Variants in AKT3 observed in about 807,000 individuals in gnomAD.
AKT3 encodes the protein RAC-gamma serine/threonine-protein kinase.
In AKT3, 15 loss-of-function variants were observed where a neutral mutation model predicts 65.3. The ratio of observed to expected loss-of-function variants is 0.23; its 90% CI spans 0.15 to 0.35. The LOEUF (loss-of-function observed/expected upper bound fraction) is 0.35. Among genes scored for constraint, AKT3 ranks in the 10% least tolerant of loss-of-function variants. The pLI is 1.00. For missense variants in AKT3, 243 were observed against 576.5 expected (o/e 0.42, Z 5.92); for synonymous variants, 206 against 183.8 (o/e 1.12, Z -0.98).
chr1:243,495,893 G>C (rs1249030789), downstream of AKT3, among the ~76,000 whole-genome samples: 3 of 152,288 alleles, frequency 2.0e-5, no homozygotes, highest in East Asian at 5.8e-4. Context: ...AAGCAGGAGA[G>C]CCTCGCATGG....
At chr1:243,600,704 C>G (rs748328469) in intron 8 of AKT3, among the ~76,000 whole-genome samples, 4 of 152,098 alleles carry the variant, frequency 2.6e-5, no homozygotes, top group Admixed American at 1.3e-4. Flanking sequence ...ACTATTAACA[C>G]TTCTAGAAGA....
At chr1:243,587,632 T>C (rs1261504432) in intron 8 of AKT3, among the ~76,000 whole-genome samples, 12 of 151,982 alleles carry the variant, frequency 7.9e-5, no homozygotes, top group Admixed American at 7.2e-4. Flanking sequence ...CATAAATACA[T>C]ACATACATAC....
At chr1:243,688,278 T>C (rs1358939223) in intron 3 of AKT3, among the ~76,000 whole-genome samples, 1 of 151,972 alleles carries the variant, frequency 6.6e-6, no homozygotes, top group Non-Finnish European at 1.5e-5. Context: ...TATAGCAATG[T>C]ATGTCAAAAA....
At chr1:243,608,341 A>G (rs1677588067) in intron 8 of AKT3, among the ~76,000 whole-genome samples, 1 of 152,220 alleles carries the variant, frequency 6.6e-6, no homozygotes, top group African/African-American at 2.4e-5. Flanking sequence ...TCAAATTATA[A>G]TTCAAGGTAA....
At chr1:243,676,291 G>A (rs1402125482) in intron 3 of AKT3, among the ~76,000 whole-genome samples, 4 of 152,176 alleles carry the variant, frequency 2.6e-5, no homozygotes, top group South Asian at 2.1e-4. Context: ...CACAGCTGGA[G>A]GGATTCCACA....
chr1:243,795,476 G>GTTTTTTTTTTTTTTTTTT (rs11440720), intron 2 of AKT3, among the ~76,000 whole-genome samples: 1 of 109,870 alleles, frequency 9.1e-6, no homozygotes, highest in African/African-American at 3.6e-5. Flanking sequence ...TTTTTTTTTG[G>GTTTTTTTTTTTTTTTTTT]TTTTTTTTTT....
chr1:243,528,925 G>A (rs1002375407), intron 12 of AKT3, among the ~76,000 whole-genome samples: 1 of 152,170 alleles, frequency 6.6e-6, no homozygotes, highest in African/African-American at 2.4e-5. Context: ...CACCAGCAGT[G>A]TATAAGTGTT....
intron 2 of AKT3, among the ~76,000 whole-genome samples, chr1:243,838,029 T>A (rs1486478450): frequency 6.6e-6 from 1 of 151,580 alleles, no homozygotes; most frequent in Non-Finnish European, 1.5e-5. Context: ...AGACTTCAAC[T>A]TACAAAATCA....
chr1:243,530,823 A>G (rs1164506181), intron 12 of AKT3, among the ~76,000 whole-genome samples: 1 of 152,218 alleles, frequency 6.6e-6, no homozygotes, highest in East Asian at 1.9e-4. Context: ...CAGAAATGAC[A>G]AAGGGGTCAT....
chr1:243,657,654 G>T (rs373320364), intron 4 of AKT3, among the ~76,000 whole-genome samples: 2 of 151,848 alleles, frequency 1.3e-5, no homozygotes, highest in Admixed American at 6.6e-5. Flanking sequence ...CCTAAAATTC[G>T]TATGGAAACC....
chr1:243,617,203 G>A (rs766150699), intron 6 of AKT3, among the ~76,000 whole-genome samples: 4 of 122,272 alleles, frequency 3.3e-5, no homozygotes, highest in Non-Finnish European at 4.7e-5. Context: ...CTGGGTATTC[G>A]TCTGCACATC....
intron 8 of AKT3, among the ~76,000 whole-genome samples, chr1:243,584,854 C>A (rs1675673154): frequency 6.6e-6 from 1 of 152,092 alleles, no homozygotes; most frequent in Non-Finnish European, 1.5e-5. Flanking sequence ...ATGGATGCCC[C>A]CTCTCACCAC....
chr1:243,739,473 A>T (rs1688026738), intron 2 of AKT3: 1 of 152,224 alleles, frequency 6.6e-6, no homozygotes, highest in Admixed American at 6.5e-5. Flanking sequence ...TTAAATTTTT[A>T]AATCAAAATT....
rs370949990 is a variant in AKT3 at position 243,504,931 on chromosome 1, C to T, written c.*318G>A. ...AGATCAAAAGATGATAATTGGTGCA[C>T]AAATGAACAATGGTGGGCTCATGAC... On this transcript the variant is annotated 3_prime_UTR_variant, in exon 14 of 14. Coordinates refer to ENST00000673466, the MANE Select transcript of AKT3 (RefSeq NM_005465.7). 4.3e-4 allele frequency: 138 copies of T among 318,898 alleles called. No individual in the cohort carries two copies. In the Middle Eastern group the frequency reaches 5.9e-3, roughly 14 times the overall value. The allele number at this position is 318,898 out of a possible 1,614,324, so 19.8% of individuals were successfully genotyped here. A position where few individuals can be genotyped will look rare whatever the true frequency, so the allele number is the denominator to read the frequency against.
intron 8 of AKT3, among the ~76,000 whole-genome samples, chr1:243,584,138 A>C (rs1675621321): frequency 6.6e-6 from 1 of 152,132 alleles, no homozygotes; most frequent in South Asian, 2.1e-4. Context: ...CAAAGATTAC[A>C]TTACAACTTA....
chr1:243,771,867 C>A (rs1431333384), intron 2 of AKT3, among the ~76,000 whole-genome samples: 1 of 151,972 alleles, frequency 6.6e-6, no homozygotes. Flanking sequence ...CAGAACAGAG[C>A]CCTCAGAAAT....
chr1:243,615,291 T>C, intron 6 of AKT3, 130 bp from the exon 7 acceptor site: 1 of 569,612 alleles, frequency 1.8e-6, no homozygotes, highest in South Asian at 3.3e-5. Context: ...AGTGGCATGC[T>C]TCCTTTACCA....
At chr1:243,808,209 G>C (rs1692878526) in intron 2 of AKT3, 1 of 152,180 alleles carries the variant, frequency 6.6e-6, no homozygotes, top group South Asian at 2.1e-4. Flanking sequence ...AGAGCAGAAG[G>C]CTTCAGACAA....
At chr1:243,750,946 A>C (rs1440988224) in intron 2 of AKT3, among the ~76,000 whole-genome samples, 1 of 152,206 alleles carries the variant, frequency 6.6e-6, no homozygotes, top group Admixed American at 6.5e-5. Flanking sequence ...AAGAAAAAAA[A>C]CTGACTTTTG....
Sources: allele counts gnomAD v4.1 joint callset (sites outside exome capture counted in the v4.1 genomes callset), GRCh38; gene constraint gnomAD v4.1.1; transcripts MANE v1.5; gene names NCBI Gene and HGNC (gene_info 2026-07-23, HGNC 2026-07-21).